The following NIBAN1 variants were observed in gnomAD, a reference collection of about 807,000 sequenced individuals.
NIBAN1 encodes the protein niban apoptosis regulator 1, also known as protein Niban 1.
Under a neutral mutation model 75.1 loss-of-function variants are expected in NIBAN1, and 81 were observed. The ratio of observed to expected loss-of-function variants is 1.08; its 90% confidence interval spans 0.90 to 1.30. The LOEUF (loss-of-function observed/expected upper bound fraction) is 1.30, where lower values mean the gene tolerates loss of function less well. Ranked by LOEUF, NIBAN1 falls within the 50% of genes most tolerant of loss-of-function variation. The pLI is 0.00. For synonymous variants in NIBAN1, 436 were observed against 424.8 expected (o/e 1.03, Z -0.32); for missense variants, 1,133 against 1,128.1 (o/e 1.00, Z -0.06).
chr1:184,817,079 G>A (rs149556991), intron 9 of NIBAN1, among the ~76,000 whole-genome samples: 25 of 152,154 alleles, frequency 1.6e-4, no homozygotes, highest in East Asian at 3.9e-4. Flanking sequence ...CCATGTCCAC[G>A]TGTTCTCATT....
At chr1:184,834,130 T>C (rs975155904) in intron 5 of NIBAN1, among the ~76,000 whole-genome samples, 11 of 152,092 alleles carry the variant, frequency 7.2e-5, no homozygotes, top group African/African-American at 2.2e-4. Context: ...GTCCTTGTGA[T>C]AGTTTGCTCA....
At chr1:184,879,857 G>T (rs1159610905) in intron 5 of NIBAN1, among the ~76,000 whole-genome samples, 1 of 152,202 alleles carries the variant, frequency 6.6e-6, no homozygotes, top group Non-Finnish European at 1.5e-5. Flanking sequence ...AATGTTGGAT[G>T]TTACCATTGT....
At chr1:184,818,040 G>C (rs1238214768) in intron 9 of NIBAN1, among the ~76,000 whole-genome samples, 1 of 152,170 alleles carries the variant, frequency 6.6e-6, no homozygotes, top group Non-Finnish European at 1.5e-5. Flanking sequence ...GGCACCCCTG[G>C]AGTGTCTGTG....
At chr1:184,920,107 T>C (rs1431648860) in intron 1 of NIBAN1, among the ~76,000 whole-genome samples, 4 of 152,014 alleles carry the variant, frequency 2.6e-5, no homozygotes, top group Non-Finnish European at 5.9e-5. Flanking sequence ...CTGGAGGACA[T>C]TGAGGAGGAG....
intron 1 of NIBAN1, among the ~76,000 whole-genome samples, chr1:184,903,541 A>G (rs1338682841): frequency 6.6e-6 from 1 of 151,954 alleles, no homozygotes; most frequent in African/African-American, 2.4e-5. Context: ...CTTAGTTCAC[A>G]TGAGAGCTGG....
intron 1 of NIBAN1, among the ~76,000 whole-genome samples, chr1:184,927,799 TAG>T (rs1469910548): frequency 6.6e-6 from 1 of 151,998 alleles, no homozygotes; most frequent in Non-Finnish European, 1.5e-5. Context: ...AGCCAGGACC[TAG>T]AGTCAGAAAC....
intron 5 of NIBAN1, among the ~76,000 whole-genome samples, chr1:184,872,514 T>C (rs1424370671): frequency 6.6e-6 from 1 of 152,166 alleles, no homozygotes; most frequent in African/African-American, 2.4e-5. Flanking sequence ...GAGACCAGCC[T>C]GACCAACATG....
intron 1 of NIBAN1, among the ~76,000 whole-genome samples, chr1:184,971,939 A>G (rs1441593619): frequency 6.6e-6 from 1 of 152,232 alleles, no homozygotes; most frequent in Non-Finnish European, 1.5e-5. Flanking sequence ...GATTAACTAA[A>G]TCCTAAGAAA....
chr1:184,805,051 G>C (rs1654156633), intron 11 of NIBAN1, among the ~76,000 whole-genome samples: 1 of 152,186 alleles, frequency 6.6e-6, no homozygotes, highest in Admixed American at 6.5e-5. Context: ...GCCTCCCAAA[G>C]TGCTGGGATT....
At chr1:184,811,539 C>G (rs902634116) in intron 9 of NIBAN1, among the ~76,000 whole-genome samples, 2 of 87,790 alleles carry the variant, frequency 2.3e-5, no homozygotes, top group African/African-American at 1.0e-4. Flanking sequence ...CGGAGTCTCA[C>G]TCTGTCTCCC....
At chr1:184,953,982 T>C (rs116145068) in intron 1 of NIBAN1, among the ~76,000 whole-genome samples, 166 of 152,380 alleles carry the variant, frequency 1.1e-3, no homozygotes, top group Non-Finnish European at 2.0e-3. Context: ...CTGCAAATTA[T>C]ATGATTCAAG....
chr1:184,802,751 C>T (rs1654079615), intron 12 of NIBAN1, among the ~76,000 whole-genome samples: 1 of 152,168 alleles, frequency 6.6e-6, no homozygotes, highest in African/African-American at 2.4e-5. Flanking sequence ...CAAAACGGAG[C>T]AGGCCTTGCT....
At position 184,917,131 on chromosome 1, in the gene NIBAN1, T is replaced by C. The variant is rs113013874; in HGVS notation, c.56-17822A>G. Reference sequence around the variant, plus strand: ...TGCGCTTGGCTCCGCTGCAGACAAATGAGCCCCAGCCTGGGCTGGACTCAT... The same window carrying C: ...TGCGCTTGGCTCCGCTGCAGACAAACGAGCCCCAGCCTGGGCTGGACTCAT... On this transcript the variant is annotated intron_variant, in intron 1 of 13. Transcript: ENST00000367511. Among the ~76,000 whole-genome samples the C allele has an allele frequency of 3.4e-3, 511 of 152,118 alleles. 4 individuals are homozygous for C. Among genetic ancestry groups the C allele is most frequent in the African/African-American group, 0.012 (485 of 41,510 alleles).
chr1:184,795,309 C>A lies in NIBAN1; in HGVS notation c.2455G>T (p.Ala819Ser), dbSNP rs376516136. 6.2e-7 allele frequency: 1 copy of A among 1,612,322 alleles called. No individual in the cohort carries two copies. Among genetic ancestry groups the A allele is most frequent in the African/African-American group, 1.3e-5 (1 of 75,046 alleles). ...GPMEGELPGE[A>S]CTLTAHEGRG... ...CCTTCATGGGCAGTGAGTGTGCAGGCCTCTCCTGGGAGCTCCCCCTCCATG... is the reference window on the plus strand; with the variant it reads ...CCTTCATGGGCAGTGAGTGTGCAGGACTCTCCTGGGAGCTCCCCCTCCATG... The change falls in exon 14 of 14, where the codon GCC (alanine) becomes TCC (serine). Residue 819 changes from alanine to serine, a missense_variant. Physicochemically the swap from Ala to Ser is moderately conservative, Grantham distance 99. Transcript: ENST00000367511.
chr1:184,974,426 A>T lies in NIBAN1; in HGVS notation c.-70T>A. On this transcript the variant is annotated 5_prime_UTR_variant, in exon 1 of 14. Coordinates refer to ENST00000367511, the MANE Select transcript of NIBAN1 (RefSeq NM_052966.4). ...GCCCGCTGCTAGCTCCTGGAGGTTG[A>T]TCCGACGGCGAACCCGGCTCTGAAA... 2 of 1,503,442 alleles carry T rather than the reference A, an allele frequency of 1.3e-6. No individual in the cohort carries two copies. Among genetic ancestry groups the T allele is most frequent in the South Asian group, 2.5e-5 (2 of 81,324 alleles). 93.1% of individuals were successfully genotyped at this position (1,503,442 alleles called of 1,614,324 possible).
intron 5 of NIBAN1, among the ~76,000 whole-genome samples, chr1:184,884,108 G>A (rs1336839069): frequency 6.6e-6 from 1 of 151,954 alleles, no homozygotes; most frequent in African/African-American, 2.4e-5. Flanking sequence ...CTTCACCGGG[G>A]CCTCCCAGGC....
chr1:184,820,145 A>G (rs191024300), intron 8 of NIBAN1, among the ~76,000 whole-genome samples: 1 of 152,258 alleles, frequency 6.6e-6, no homozygotes, highest in Non-Finnish European at 1.5e-5. Context: ...CTTGCTTGAC[A>G]CTAAAGTGTA....
At chr1:184,943,465 C>T (rs1658147022) in intron 1 of NIBAN1, among the ~76,000 whole-genome samples, 1 of 152,102 alleles carries the variant, frequency 6.6e-6, no homozygotes. Flanking sequence ...TTTCTATTTT[C>T]CTGATAGAAG....
At chr1:184,837,210 T>C (rs977053931) in intron 5 of NIBAN1, among the ~76,000 whole-genome samples, 6 of 152,152 alleles carry the variant, frequency 3.9e-5, no homozygotes, top group Non-Finnish European at 8.8e-5. Context: ...ATAAGCAAAT[T>C]GAGAGTTTCG....
Sources: gnomAD v4.1 joint callset for allele counts (sites outside exome capture counted in the v4.1 genomes callset) on GRCh38, gnomAD v4.1.1 for gene constraint, MANE v1.5 for transcripts, NCBI Gene and HGNC (gene_info 2026-07-23, HGNC 2026-07-21) for gene names.